VSX2: variants seen among roughly 807,000 people sequenced by gnomAD.
VSX2 encodes the protein ceh-10 homeo domain containing homolog.
Under a neutral mutation model 32.1 loss-of-function variants are expected in VSX2, and 28 were observed. The observed-to-expected ratio is 0.87, with a 90% CI of 0.65 to 1.20. The LOEUF (loss-of-function observed/expected upper bound fraction) is 1.20. Ranked by LOEUF, VSX2 falls within the 50% of genes most tolerant of loss-of-function variation. The probability of loss-of-function intolerance (pLI) is 0.00; values close to 1 mark genes in which losing one functional copy is unlikely to be tolerated. For synonymous variants in VSX2, 243 were observed against 214.1 expected (o/e 1.14, Z -1.18); for missense variants, 506 against 488.7 (o/e 1.04, Z -0.33).
At chr14:74,257,474 C>T (rs1419403640) in intron 3 of VSX2, among the ~76,000 whole-genome samples, 1 of 152,258 alleles carries the variant, frequency 6.6e-6, no homozygotes, top group Non-Finnish European at 1.5e-5. Context: ...CCGTGTAGCT[C>T]CCATGTTTAG....
intron 3 of VSX2, among the ~76,000 whole-genome samples, chr14:74,246,976 A>G (rs988360789): frequency 1.3e-5 from 2 of 152,102 alleles, no homozygotes; most frequent in Admixed American, 6.5e-5. Context: ...GGGGTTGCCT[A>G]TAAGGTGGTA....
intron 3 of VSX2, 90 bp from the exon 4 acceptor site, chr14:74,259,512 A>G (rs1254197889): frequency 1.9e-6 from 3 of 1,544,352 alleles, no homozygotes; most frequent in Non-Finnish European, 2.7e-6. Flanking sequence ...GCCCTGCTGG[A>G]GAAATCTTCA....
At chr14:74,259,849 G>A (rs1189277116) in intron 4 of VSX2, 67 bp downstream of exon 4, 6 of 1,525,174 alleles carry the variant, frequency 3.9e-6, no homozygotes, top group Non-Finnish European at 5.3e-6. Context: ...TGGAGGAGGG[G>A]ACAGAGCCTT....
intron 1 of VSX2, 90 bp from the exon 2 acceptor site, chr14:74,241,092 G>T (rs1594753134): frequency 1.4e-6 from 2 of 1,391,276 alleles, no homozygotes; most frequent in Admixed American, 3.4e-5. Context: ...CGCCGCTCGC[G>T]GAGGCAGCCC....
intron 1 of VSX2, 135 bp downstream of exon 1, chr14:74,240,066 T>C: frequency 8.3e-7 from 1 of 1,200,298 alleles, no homozygotes; most frequent in South Asian, 1.6e-5. Context: ...CGCCTGGGCC[T>C]TGGGCCGACG....
intron 3 of VSX2, 92 bp downstream of exon 3, chr14:74,245,380 C>A: frequency 1.3e-6 from 2 of 1,548,876 alleles, no homozygotes; most frequent in Non-Finnish European, 1.8e-6. Flanking sequence ...CCCCGCCTCC[C>A]AGCCCCACTG....
intron 2 of VSX2, among the ~76,000 whole-genome samples, chr14:74,242,180 G>A (rs1566883542): frequency 6.6e-6 from 1 of 151,924 alleles, no homozygotes; most frequent in Admixed American, 6.6e-5. Flanking sequence ...TTCTGCGGGT[G>A]CTGCTCGCAG....
rs148132740 is a variant in VSX2 at position 74,249,619 on chromosome 14, C to T, written c.579+4331C>T. Among the ~76,000 whole-genome samples the T allele has an allele frequency of 5.7e-3, 871 of 152,256 alleles. 8 individuals are homozygous for T. Among genetic ancestry groups the T allele is most frequent in the African/African-American group, 0.02 (817 of 41,536 alleles). ...CAGACAAATTAGTTAGCTGTCATTC[C>T]TACACCCATTTTCTAGATGAAGAAA... On this transcript the variant is annotated intron_variant, in intron 3 of 4. Transcript: ENST00000261980.
At chr14:74,256,696 C>T (rs2079265430) in intron 3 of VSX2, among the ~76,000 whole-genome samples, 1 of 113,430 alleles carries the variant, frequency 8.8e-6, no homozygotes, top group African/African-American at 3.5e-5. Flanking sequence ...TTTTTTGAGA[C>T]AGAGTCTTGC....
At chr14:74,254,784 A>ATTTTTGTTTTTTTTTTTTTTTTTTTTTTT (rs2079252209) in intron 3 of VSX2, among the ~76,000 whole-genome samples, 1 of 116,612 alleles carries the variant, frequency 8.6e-6, no homozygotes, top group African/African-American at 3.3e-5. Context: ...CGAAAAGTGG[A>ATTTTTGTTTTTTTTTTTTTTTTTTTTTTT]TTTTTTTTTT....
At chr14:74,245,088 G>C in intron 2 of VSX2, 77 bp from the exon 3 acceptor site, 1 of 1,600,798 alleles carries the variant, frequency 6.2e-7, no homozygotes, top group Non-Finnish European at 8.5e-7. Flanking sequence ...GAGACACAGA[G>C]GAAGGCGGTT....
intron 3 of VSX2, among the ~76,000 whole-genome samples, chr14:74,247,777 T>C (rs1423509547): frequency 6.7e-6 from 1 of 150,312 alleles, no homozygotes; most frequent in Non-Finnish European, 1.5e-5. Context: ...TTAATCAATG[T>C]TTATTGAGTA....
At chr14:74,240,039 G>A in intron 1 of VSX2, 108 bp downstream of exon 1, 4 of 1,439,128 alleles carry the variant, frequency 2.8e-6, no homozygotes, top group Non-Finnish European at 3.7e-6. Flanking sequence ...AAAAGTTCCT[G>A]CCAGGCCGGG....
At chr14:74,240,111 G>T (rs953771643) in intron 1 of VSX2, among the ~76,000 whole-genome samples, 180 bp downstream of exon 1, 3 of 152,224 alleles carry the variant, frequency 2.0e-5, no homozygotes, top group African/African-American at 7.2e-5. Context: ...ATGCTTCGGC[G>T]TCCGCAGGGT....
At chr14:74,248,357 A>ACAAC (rs1566885662) in intron 3 of VSX2, among the ~76,000 whole-genome samples, 1 of 103,732 alleles carries the variant, frequency 9.6e-6, no homozygotes, top group Non-Finnish European at 2.4e-5. Flanking sequence ...AAAAACAAAA[A>ACAAC]AAACCAAAAA....
intron 2 of VSX2, among the ~76,000 whole-genome samples, chr14:74,241,633 T>C (rs1433482633): frequency 6.6e-6 from 1 of 152,190 alleles, no homozygotes; most frequent in African/African-American, 2.4e-5. Context: ...AGCTCCCACC[T>C]CCTGCCAGAG....
Position 74,260,799 on chromosome 14 carries a change from G to A in VSX2, c.966G>A (p.Gly322=). 6.4e-7 allele frequency: 1 copy of A among 1,573,448 alleles called. No individual in the cohort carries two copies. The highest frequency in any genetic ancestry group is 1.3e-5 in the African/African-American group (1 of 74,256). ...KAQEHSTKVL[G]TVSGPDSLAR... The stretch of plus-strand genomic sequence containing the variant: ...AGGAGCACAGCACCAAAGTGCTGGG[G>A]ACTGTGTCTGGGCCGGACAGCCTGG... The change falls in exon 5 of 5, where the codon GGG becomes GGA. Residue 322 remains glycine, a synonymous_variant. Coordinates refer to ENST00000261980, the MANE Select transcript of VSX2 (RefSeq NM_182894.3).
At chr14:74,241,442 G>T (rs1300379019) in intron 2 of VSX2, among the ~76,000 whole-genome samples, 176 bp downstream of exon 2, 1 of 152,244 alleles carries the variant, frequency 6.6e-6, no homozygotes, top group Non-Finnish European at 1.5e-5. Flanking sequence ...CTTGGCGTCG[G>T]CACCGGTTGA....
intron 3 of VSX2, among the ~76,000 whole-genome samples, chr14:74,249,566 G>A (rs577046405): frequency 1.4e-4 from 21 of 152,060 alleles, no homozygotes; most frequent in African/African-American, 3.9e-4. Flanking sequence ...CACCATGCCC[G>A]GCATGCTTCA....
Sources: gnomAD v4.1 joint callset for allele counts (sites outside exome capture counted in the v4.1 genomes callset) on GRCh38, gnomAD v4.1.1 for gene constraint, MANE v1.5 for transcripts, NCBI Gene and HGNC (gene_info 2026-07-23, HGNC 2026-07-21) for gene names.